The following SEMA3A variants were observed in gnomAD, a reference collection of about 807,000 sequenced individuals.
SEMA3A encodes semaphorin-3A.
Under a neutral mutation model 97.9 loss-of-function variants are expected in SEMA3A, and 29 were observed. The ratio of observed to expected loss-of-function variants is 0.30; its 90% CI spans 0.22 to 0.40. SEMA3A has a LOEUF of 0.40. Among genes scored for constraint, SEMA3A ranks in the 10% least tolerant of loss-of-function variants. The pLI is 1.00. For synonymous variants in SEMA3A, 321 were observed against 323.7 expected (o/e 0.99, Z 0.09); for missense variants, 763 against 951.3 (o/e 0.80, Z 2.60).
intron 1 of SEMA3A, among the ~76,000 whole-genome samples, chr7:84,151,813 A>G (rs1562816445): frequency 6.6e-6 from 1 of 152,200 alleles, no homozygotes; most frequent in Non-Finnish European, 1.5e-5. Context: ...AAGGGCTAAT[A>G]TCCAGAATGT....
Position 84,096,890 on chromosome 7 carries a change from AAT to A in SEMA3A, c.453+13578_453+13579del, listed in dbSNP as rs368891779. Among the ~76,000 whole-genome samples the A allele has an allele frequency of 3.9e-3, 596 of 152,268 alleles. 3 individuals carry two copies. The highest frequency in any genetic ancestry group is 0.014 in the African/African-American group (567 of 41,568). ...ATTATTATACATTTCTAGAAAATAAAATATGTTTACATATGTCTAAGATACTG... is the reference window on the plus strand; with the variant it reads ...ATTATTATACATTTCTAGAAAATAAAATGTTTACATATGTCTAAGATACTG... On this transcript the variant is annotated intron_variant, in intron 4 of 16. Coordinates refer to ENST00000265362, the MANE Select transcript of SEMA3A (RefSeq NM_006080.3).
chr7:84,272,920 AATG>A (rs1454127577), intron 3 of SEMA3A, among the ~76,000 whole-genome samples: 3 of 152,238 alleles, frequency 2.0e-5, no homozygotes, highest in African/African-American at 7.2e-5. Flanking sequence ...TAATAGCAAC[AATG>A]ATAATTTCCT....
At chr7:84,069,825 A>G (rs1402824023) in intron 4 of SEMA3A, among the ~76,000 whole-genome samples, 1 of 152,134 alleles carries the variant, frequency 6.6e-6, no homozygotes. Context: ...AGACACTAAT[A>G]TTGCTGTTTC....
At chr7:84,424,978 A>T (rs1199951305) in intron 1 of SEMA3A, among the ~76,000 whole-genome samples, 2 of 103,042 alleles carry the variant, frequency 1.9e-5, no homozygotes, top group African/African-American at 8.0e-5. Flanking sequence ...ATATATTTAT[A>T]ATTTATAATT....
At chr7:84,095,626 C>CA (rs1433529393) in intron 4 of SEMA3A, among the ~76,000 whole-genome samples, 2 of 145,722 alleles carry the variant, frequency 1.4e-5, no homozygotes, top group Non-Finnish European at 3.0e-5. Flanking sequence ...ACAGATGTTG[C>CA]TTTTTTTTTT....
At chr7:84,230,565 G>A (rs1799095000) in intron 3 of SEMA3A, among the ~76,000 whole-genome samples, 1 of 151,912 alleles carries the variant, frequency 6.6e-6, no homozygotes, top group African/African-American at 2.4e-5. Context: ...TTTCAGTTAT[G>A]TTAGCTCATG....
chr7:84,075,445 C>T (rs1399417944), intron 4 of SEMA3A, among the ~76,000 whole-genome samples: 1 of 149,764 alleles, frequency 6.7e-6, no homozygotes, highest in Non-Finnish European at 1.5e-5. Flanking sequence ...AGGCATAAGC[C>T]ACTGCACCTG....
chr7:84,424,350 A>G (rs1804684162), intron 1 of SEMA3A, among the ~76,000 whole-genome samples: 1 of 140,716 alleles, frequency 7.1e-6, no homozygotes, highest in South Asian at 2.1e-4. Flanking sequence ...TAAATATTAT[A>G]TATAATATAT....
At chr7:84,202,732 G>A (rs1223908272) in intron 3 of SEMA3A, among the ~76,000 whole-genome samples, 1 of 152,062 alleles carries the variant, frequency 6.6e-6, no homozygotes, top group Non-Finnish European at 1.5e-5. Flanking sequence ...AAAATTTTGA[G>A]ATATGTTTAG....
chr7:84,265,131 C>T (rs772556581), intron 3 of SEMA3A, among the ~76,000 whole-genome samples: 6 of 152,068 alleles, frequency 3.9e-5, no homozygotes, highest in Non-Finnish European at 5.9e-5. Context: ...TAAGGAACTC[C>T]CCAGGAATGA....
chr7:84,335,022 A>C (rs991775674), intron 2 of SEMA3A, among the ~76,000 whole-genome samples: 1 of 152,158 alleles, frequency 6.6e-6, no homozygotes, highest in Non-Finnish European at 1.5e-5. Flanking sequence ...CATGCTGTAT[A>C]TATTTTCTAC....
rs560197582 is a variant in SEMA3A, at chr7:84,272,506, A to G, written c.-83+34701T>C. On this transcript the variant is annotated intron_variant, in intron 3 of 3. Coordinates refer to the SEMA3A transcript ENST00000424555. ...TTCTATTCAAATATATTAAATGATT[A>G]TGGCCAAAGGAACCTAGTTCTGAGG... Among the ~76,000 whole-genome samples the G allele has an allele frequency of 8.5e-5, 13 of 152,212 alleles. No individual in the cohort carries two copies. The South Asian group carries it at 2.5e-3, about 29-fold the overall frequency.
At chr7:84,484,460 C>G in intron 1 of SEMA3A, among the ~76,000 whole-genome samples, 1 of 151,570 alleles carries the variant, frequency 6.6e-6, no homozygotes, top group East Asian at 1.9e-4. Flanking sequence ...TTTAATTTAA[C>G]AAACCTATCA....
At chr7:84,010,915 G>T in intron 9 of SEMA3A, 107 bp downstream of exon 9, 1 of 742,822 alleles carries the variant, frequency 1.3e-6, no homozygotes, top group East Asian at 2.6e-5. Flanking sequence ...CAGCTCAAAG[G>T]TTAAAGCAAC....
intron 1 of SEMA3A, among the ~76,000 whole-genome samples, chr7:84,403,253 C>T (rs148561173): frequency 0.034 from 5,243 of 152,268 alleles, 292 homozygotes; most frequent in African/African-American, 0.12. Context: ...GATTATATCC[C>T]ACACATGGCT....
chr7:84,080,276 A>C (rs1488712713), intron 4 of SEMA3A, among the ~76,000 whole-genome samples: 10 of 151,064 alleles, frequency 6.6e-5, no homozygotes, highest in African/African-American at 2.4e-4. Context: ...TGGGTGCAGC[A>C]CACCAACATG....
At chr7:84,222,283 G>A (rs904032600) in intron 3 of SEMA3A, among the ~76,000 whole-genome samples, 4 of 151,774 alleles carry the variant, frequency 2.6e-5, no homozygotes, top group East Asian at 1.9e-4. Flanking sequence ...TAAATATCAT[G>A]TCCTATCTTC....
At chr7:84,317,088 A>G (rs1801525080) in intron 2 of SEMA3A, among the ~76,000 whole-genome samples, 1 of 152,132 alleles carries the variant, frequency 6.6e-6, no homozygotes, top group South Asian at 2.1e-4. Context: ...AACTCTTTCT[A>G]TCCCTCAGGC....
Position 83,961,318 on chromosome 7 carries a change from G to T in SEMA3A, c.*53C>A. 1 of 1,433,618 alleles carries T rather than the reference G, an allele frequency of 7.0e-7. No individual in the cohort carries two copies. The highest frequency in any genetic ancestry group is 1.4e-5 in the African/African-American group (1 of 70,748). 88.8% of individuals were successfully genotyped at this position (1,433,618 alleles called of 1,614,324 possible). On this transcript the variant is annotated 3_prime_UTR_variant, in exon 17 of 17. Transcript: ENST00000265362. ...CATGTATATTGCATTTGTTTTTCCA[G>T]TTATTGTCTAGGCAAGTTTCTACTT... is the stretch of plus-strand genomic sequence containing the variant.
Sources: allele counts gnomAD v4.1 joint callset (sites outside exome capture counted in the v4.1 genomes callset), GRCh38; gene constraint gnomAD v4.1.1; transcripts MANE v1.5; gene names NCBI Gene and HGNC (gene_info 2026-07-23, HGNC 2026-07-21).